The following FRMD7 variants were observed in gnomAD, a reference collection of about 807,000 sequenced individuals.
FRMD7 encodes the protein FERM domain containing 7.
Under a neutral mutation model 44.1 loss-of-function variants are expected in FRMD7, and 14 were observed. The ratio of observed to expected loss-of-function variants is 0.32; its 90% CI spans 0.21 to 0.50. The LOEUF (loss-of-function observed/expected upper bound fraction) is 0.50, where lower values mean the gene tolerates loss of function less well. FRMD7 is among the 20% of genes least tolerant of loss of function. The probability of loss-of-function intolerance (pLI) is 0.99; values close to 1 mark genes in which losing one functional copy is unlikely to be tolerated. For synonymous variants in FRMD7, 212 were observed against 187.4 expected, an observed-to-expected ratio of 1.13 and a Z score of -1.07; for missense variants, 501 against 522.3, an observed-to-expected ratio of 0.96 and a Z score of 0.40.
intron 5 of FRMD7, among the ~76,000 whole-genome samples, chrX:132,090,773 A>G (rs1928144846): frequency 9.0e-6 from 1 of 111,310 alleles, no homozygotes; most frequent in African/African-American, 3.3e-5. Flanking sequence ...ACACACCCCA[A>G]TTTTCCAGTT....
intron 3 of FRMD7, among the ~76,000 whole-genome samples, chrX:132,097,929 C>T (rs1928390160): frequency 1.8e-5 from 2 of 112,286 alleles, no homozygotes; most frequent in Non-Finnish European, 3.8e-5. Flanking sequence ...TTGTTGGTGC[C>T]CATTATCTGC....
Position 132,084,832 on chromosome X carries a change from G to T in FRMD7, c.646-247C>A, listed in dbSNP as rs563639159. ...GGAAGTTTTCTGGCCAGCACAGGGAGATCACAAGAGGAAAGGATTACTACA... is the reference window on the plus strand; with the variant it reads ...GGAAGTTTTCTGGCCAGCACAGGGATATCACAAGAGGAAAGGATTACTACA... On this transcript the variant is annotated intron_variant, in intron 7 of 11. Transcript: ENST00000298542. Among the ~76,000 whole-genome samples, 12 of 111,261 alleles carry T rather than the reference G, an allele frequency of 1.1e-4. No individual in the cohort carries two copies. In the South Asian group the frequency reaches 1.5e-3, roughly 14 times the overall value.
intron 9 of FRMD7, 79 bp from the exon 10 acceptor site, chrX:132,080,345 G>T: frequency 1.5e-6 from 1 of 646,091 alleles, no homozygotes; most frequent in Non-Finnish European, 2.6e-6. Flanking sequence ...CTCGTTTATT[G>T]TTGAAATCAA....
chrX:132,092,564 A>G (rs932069065), intron 5 of FRMD7, among the ~76,000 whole-genome samples: 4 of 112,168 alleles, frequency 3.6e-5, no homozygotes, highest in African/African-American at 1.3e-4. Context: ...TTCCATGGAA[A>G]GAGTTTCTAC....
At chrX:132,106,795 CTCAGTTA>C (rs1199857749) in intron 1 of FRMD7, among the ~76,000 whole-genome samples, 10 of 111,897 alleles carry the variant, frequency 8.9e-5, no homozygotes, top group Admixed American at 2.8e-4. Flanking sequence ...AATGCAAGTT[CTCAGTTA>C]TAAGTGGGAG....
At position 132,111,097 on chromosome X, in the gene FRMD7, C is replaced by T. The variant is rs1928767724; in HGVS notation, c.58-10381G>A. Among the ~76,000 whole-genome samples, 5 of 111,388 alleles carry T rather than the reference C, an allele frequency of 4.5e-5. No individual in the cohort carries two copies. In the South Asian group the frequency reaches 1.9e-3, roughly 43 times the overall value. On this transcript the variant is annotated intron_variant, in intron 1 of 11. Transcript: ENST00000298542. The stretch of plus-strand genomic sequence containing the variant: ...GACTCAGGAGGCTGAGGTGGGAGCC[C>T]AGGAGTTCAACTGCAATGAAATATG...
intron 1 of FRMD7, among the ~76,000 whole-genome samples, chrX:132,101,479 C>G (rs1046260990): frequency 2.7e-5 from 3 of 112,315 alleles, no homozygotes; most frequent in African/African-American, 9.7e-5. Flanking sequence ...TCAAGCATAG[C>G]ACTTCTTGCC....
At chrX:132,099,410 A>G in intron 3 of FRMD7, 58 bp downstream of exon 3, 2 of 986,565 alleles carry the variant, frequency 2.0e-6, no homozygotes, top group Non-Finnish European at 2.9e-6. Flanking sequence ...GAGGTTGTTG[A>G]AACCTTTCTC....
At position 132,097,360 on chromosome X, in the gene FRMD7, C is replaced by A; in HGVS notation, c.206-16G>T. The A allele has an allele frequency of 9.9e-7, 1 of 1,008,754 alleles. No individual in the cohort carries two copies. The highest frequency in any genetic ancestry group is 1.4e-6 in the Non-Finnish European group (1 of 711,309). 83.1% of individuals were successfully genotyped at this position (1,008,754 alleles called of 1,213,427 possible). A position where few individuals can be genotyped will look rare whatever the true frequency, so the allele number is the denominator to read the frequency against. On this transcript the variant is annotated splice_polypyrimidine_tract_variant and intron_variant, in intron 3 of 11. Transcript: ENST00000298542. ...TCCTTAGGATCTTAAAACACAATAT[C>A]TCCATAAGTTTTATTTAAATGTCCA...
intron 7 of FRMD7, 84 bp from the exon 8 acceptor site, chrX:132,084,669 T>A: frequency 1.7e-6 from 1 of 587,584 alleles, no homozygotes; most frequent in East Asian, 3.3e-5. Context: ...GAAAATGCAC[T>A]TAATGAGAGG....
Position 132,097,873 on chromosome X carries a change from C to A in FRMD7, c.206-529G>T, listed in dbSNP as rs192367666. ...TTTGAAAATTAACTTTTACACAAAA[C>A]ATAAATGCACACATGCAGCATTAAC... is the stretch of plus-strand genomic sequence containing the variant. On this transcript the variant is annotated intron_variant, in intron 3 of 11. Coordinates refer to ENST00000298542, the MANE Select transcript of FRMD7 (RefSeq NM_194277.3). 3.7e-3 allele frequency among the ~76,000 whole-genome samples: 420 copies of A among 112,830 alleles called. 2 individuals are homozygous for A. Among genetic ancestry groups the A allele is most frequent in the Non-Finnish European group, 6.4e-3 (344 of 53,356 alleles).
intron 4 of FRMD7, among the ~76,000 whole-genome samples, chrX:132,096,613 C>A (rs1040332096): frequency 2.2e-4 from 22 of 101,243 alleles, no homozygotes; most frequent in Non-Finnish European, 4.4e-4. Flanking sequence ...TAGTCCTTGG[C>A]GGGAAGCAGG....
intron 1 of FRMD7, among the ~76,000 whole-genome samples, chrX:132,107,141 T>C (rs1928666905): frequency 8.9e-6 from 1 of 112,424 alleles, no homozygotes; most frequent in South Asian, 3.7e-4. Flanking sequence ...GAAGGAAATA[T>C]AGCATATCAT....
At chrX:132,092,353 A>C (rs181518111) in intron 5 of FRMD7, among the ~76,000 whole-genome samples, 51 of 111,767 alleles carry the variant, frequency 4.6e-4, no homozygotes, top group African/African-American at 1.6e-3. Flanking sequence ...ATGAATGGAA[A>C]ATTAGACAAA....
chrX:132,101,285 C>T (rs963757332), intron 1 of FRMD7, among the ~76,000 whole-genome samples: 2 of 111,256 alleles, frequency 1.8e-5, no homozygotes, highest in Non-Finnish European at 3.8e-5. Context: ...CTAGTCATTG[C>T]GTGCCTGCAT....
At chrX:132,084,409 T>C (rs1483516596) in intron 8 of FRMD7, 81 bp downstream of exon 8, 3 of 610,667 alleles carry the variant, frequency 4.9e-6, no homozygotes, top group African/African-American at 2.2e-5. Flanking sequence ...TTTTACAATT[T>C]ACATTCAAAC....
At chrX:132,082,321 G>T (rs1219207838) in intron 9 of FRMD7, 42 bp downstream of exon 9, 6 of 1,100,346 alleles carry the variant, frequency 5.5e-6, no homozygotes, top group African/African-American at 3.6e-5. Context: ...TTATTGAAAA[G>T]AAGCAGTGTG....
At chrX:132,087,269 T>C (rs879071414) in intron 5 of FRMD7, among the ~76,000 whole-genome samples, 2 of 111,482 alleles carry the variant, frequency 1.8e-5, no homozygotes, top group Non-Finnish European at 3.8e-5. Context: ...AGAAAGCAAA[T>C]ATCCAAACCT....
chrX:132,093,517 A>G (rs1928241562), intron 5 of FRMD7, among the ~76,000 whole-genome samples: 1 of 112,493 alleles, frequency 8.9e-6, no homozygotes, highest in African/African-American at 3.2e-5. Flanking sequence ...TAGTCCAGCT[A>G]CTTGTTGGTT....
Sources: gnomAD v4.1 joint callset for allele counts (sites outside exome capture counted in the v4.1 genomes callset) on GRCh38, gnomAD v4.1.1 for gene constraint, MANE v1.5 for transcripts, NCBI Gene and HGNC (gene_info 2026-07-23, HGNC 2026-07-21) for gene names.